KANSL1: variants seen among roughly 807,000 people sequenced by gnomAD.
The protein encoded by KANSL1 is KAT8 regulatory NSL complex subunit 1.
A neutral mutation model predicts 103.6 loss-of-function variants in KANSL1; 22 were observed. That is an observed-to-expected ratio of 0.21 (90% CI 0.15 to 0.30). The LOEUF is 0.30. KANSL1 is among the 10% of genes least tolerant of loss of function. KANSL1 has a pLI of 1.00. For missense variants in KANSL1, 1,337 were observed against 1,399.8 expected, an observed-to-expected ratio of 0.96 and a Z score of 0.72; for synonymous variants, 600 against 527.6, an observed-to-expected ratio of 1.14 and a Z score of -1.88.
At chr17:46,189,556 G>C (rs2047207363) in intron 1 of KANSL1, among the ~76,000 whole-genome samples, 1 of 152,172 alleles carries the variant, frequency 6.6e-6, no homozygotes, top group African/African-American at 2.4e-5. Flanking sequence ...ATCCAGTGTG[G>C]ATTAGTTTGG....
intron 2 of KANSL1, among the ~76,000 whole-genome samples, chr17:46,137,894 CA>C (rs1217687072): frequency 6.6e-6 from 1 of 151,378 alleles, no homozygotes; most frequent in Non-Finnish European, 1.5e-5. Flanking sequence ...AAAATTGTTT[CA>C]TAAGAATGAC....
intron 7 of KANSL1, chr17:46,041,523 C>G (rs577467157): frequency 2.6e-5 from 4 of 152,162 alleles, no homozygotes; most frequent in African/African-American, 9.7e-5. Flanking sequence ...AAGTTCCCGC[C>G]AGAGTCCCTA....
chr17:46,117,463 T>C (rs1218530650), intron 2 of KANSL1, among the ~76,000 whole-genome samples: 4 of 152,276 alleles, frequency 2.6e-5, no homozygotes, highest in Non-Finnish European at 5.9e-5. Context: ...AGTTTCCTTT[T>C]ATGTATGCAG....
chr17:46,134,037 G>C (rs2043999378), intron 2 of KANSL1, among the ~76,000 whole-genome samples: 1 of 152,228 alleles, frequency 6.6e-6, no homozygotes, highest in Non-Finnish European at 1.5e-5. Context: ...CATGAGGAAG[G>C]ATGGGGATGG....
chr17:46,146,597 G>C (rs1293169223), intron 2 of KANSL1, among the ~76,000 whole-genome samples: 2 of 147,196 alleles, frequency 1.4e-5, no homozygotes, highest in African/African-American at 4.9e-5. Context: ...ACTTTGGGAG[G>C]CCGAAGCCGG....
intron 1 of KANSL1, among the ~76,000 whole-genome samples, chr17:46,185,125 C>A (rs1283751825): frequency 2.6e-5 from 4 of 152,212 alleles, no homozygotes; most frequent in African/African-American, 9.7e-5. Context: ...CCACGCCTGG[C>A]CAACTATGTA....
At chr17:46,115,654 AAC>A (rs1426138590) in intron 2 of KANSL1, among the ~76,000 whole-genome samples, 2 of 152,226 alleles carry the variant, frequency 1.3e-5, no homozygotes, top group African/African-American at 2.4e-5. Flanking sequence ...ATGAATGAAA[AAC>A]AGTTTATTTA....
chr17:46,045,861 G>GT (rs765074258), intron 7 of KANSL1: 1 of 152,238 alleles, frequency 6.6e-6, no homozygotes, highest in Non-Finnish European at 1.5e-5. Context: ...ACTGTATGTG[G>GT]TAATGCTGTT....
At chr17:46,038,788 T>C (rs770583183) in intron 9 of KANSL1, 102 bp from the exon 10 acceptor site, 24 of 1,435,960 alleles carry the variant, frequency 1.7e-5, no homozygotes, top group Non-Finnish European at 2.2e-5. Flanking sequence ...AAGGCAAAAA[T>C]GTTTTCTATG....
At chr17:46,172,611 A>G (rs2046343536) in intron 1 of KANSL1, among the ~76,000 whole-genome samples, 1 of 152,276 alleles carries the variant, frequency 6.6e-6, no homozygotes, top group South Asian at 2.1e-4. Flanking sequence ...AAACTAAGCA[A>G]TAATTAAACA....
intron 2 of KANSL1, chr17:46,169,715 T>G (rs1289284958): frequency 6.6e-6 from 1 of 152,264 alleles, no homozygotes; most frequent in Non-Finnish European, 1.5e-5. Context: ...ATGCACTTAT[T>G]TAACATGTAT....
At position 46,096,311 on chromosome 17, in the gene KANSL1, C is replaced by CTTTT. The variant is rs71138525; in HGVS notation, c.1290-1614_1290-1611dup. 9.6e-4 allele frequency among the ~76,000 whole-genome samples: 73 copies of CTTTT among 76,402 alleles called. 3 individuals carry two copies. The highest frequency in any genetic ancestry group is 3.9e-3 in the East Asian group (8 of 2,074). The allele number at this position is 76,402 out of a possible 152,430, so 50.1% of individuals were successfully genotyped here. A position where few individuals can be genotyped will look rare whatever the true frequency, so the allele number is the denominator to read the frequency against. On this transcript the variant is annotated intron_variant, in intron 2 of 14. Transcript: ENST00000432791. The stretch of plus-strand genomic sequence containing the variant: ...CATACTACATACCTGGCTTTTTTTT[C>CTTTT]TTTTTTTTTTTTTTTTTTTTTGAGA...
At chr17:46,159,522 G>A (rs1457736732) in intron 2 of KANSL1, among the ~76,000 whole-genome samples, 1 of 152,184 alleles carries the variant, frequency 6.6e-6, no homozygotes, top group Non-Finnish European at 1.5e-5. Flanking sequence ...AGACTAAGTA[G>A]ATGAAAACCA....
Position 46,052,964 on chromosome 17 carries a change from CAAAAAAAAAAAAAAAAAAAAAAA to C in KANSL1, c.1849-2283_1849-2261del, listed in dbSNP as rs34473927. Among the ~76,000 whole-genome samples the C allele has an allele frequency of 2.0e-3, 66 of 33,000 alleles. 3 individuals carry two copies. The highest frequency in any genetic ancestry group is 0.012 in the South Asian group (7 of 576). 21.6% of individuals were successfully genotyped at this position (33,000 alleles called of 152,430 possible). A position where few individuals can be genotyped will look rare whatever the true frequency, so the allele number is the denominator to read the frequency against. ...GGGAAAAAGAGTAAGATCCTGTCTC[CAAAAAAAAAAAAAAAAAAAAAAA>C]AAAAAAAAAAAAAAAAAAGGCTGCG... On this transcript the variant is annotated intron_variant, in intron 6 of 14. Coordinates refer to ENST00000432791, the MANE Select transcript of KANSL1 (RefSeq NM_015443.4).
At chr17:46,185,132 T>G (rs1226229691) in intron 1 of KANSL1, among the ~76,000 whole-genome samples, 1 of 152,228 alleles carries the variant, frequency 6.6e-6, no homozygotes, top group Non-Finnish European at 1.5e-5. Context: ...TGGCCAACTA[T>G]GTACTTCTTA....
rs113595307 is a variant in KANSL1 at position 46,174,120 on chromosome 17, T to C, written c.-89-1888A>G. Among the ~76,000 whole-genome samples the C allele has an allele frequency of 7.2e-3, 1,102 of 152,354 alleles. 12 individuals carry two copies. The highest frequency in any genetic ancestry group is 0.022 in the African/African-American group (912 of 41,570). On this transcript the variant is annotated intron_variant, in intron 1 of 14. Coordinates refer to ENST00000432791, the MANE Select transcript of KANSL1 (RefSeq NM_015443.4). ...TGAATTTTTTAGGCAAAGATTAGTG[T>C]TTTTGAAAACTTGTATCAACAATCA... is the stretch of plus-strand genomic sequence containing the variant.
chr17:46,038,298 T>C lies in KANSL1; in HGVS notation c.2541+240A>G, dbSNP rs942140776. 7 of 537,092 alleles carry C rather than the reference T, an allele frequency of 1.3e-5. No individual in the cohort carries two copies. The African/African-American group carries it at 1.3e-4, about 10-fold the overall frequency. The allele number at this position is 537,092 out of a possible 1,614,324, so 33.3% of individuals were successfully genotyped here. ...GTTTGTCCCTGCATCAAGCTTTCTA[T>C]GGATGGCTCAGCATAAATCCATCTC... On this transcript the variant is annotated intron_variant, in intron 10 of 14. Coordinates refer to ENST00000432791, the MANE Select transcript of KANSL1 (RefSeq NM_015443.4).
At chr17:46,086,181 ACG>A (rs67335396) in intron 3 of KANSL1, among the ~76,000 whole-genome samples, 21,727 of 152,238 alleles carry the variant, frequency 0.14, 2,091 homozygotes, top group Non-Finnish European at 0.22. Flanking sequence ...GAAAGTAAGG[ACG>A]CAGTCAGTAT....
At chr17:46,174,094 C>G (rs2046407889) in intron 1 of KANSL1, among the ~76,000 whole-genome samples, 1 of 152,214 alleles carries the variant, frequency 6.6e-6, no homozygotes, top group Admixed American at 6.5e-5. Flanking sequence ...ATAATAAAAT[C>G]TGAATTTTTT....
Sources: gnomAD v4.1 joint callset for allele counts (sites outside exome capture counted in the v4.1 genomes callset) on GRCh38, gnomAD v4.1.1 for gene constraint, MANE v1.5 for transcripts, NCBI Gene and HGNC (gene_info 2026-07-23, HGNC 2026-07-21) for gene names.